The following PIK3C2G variants were observed in gnomAD, a reference collection of about 807,000 sequenced individuals.
The protein encoded by PIK3C2G is phosphatidylinositol 3-kinase C2 domain-containing subunit gamma.
Under a neutral mutation model 181.1 loss-of-function variants are expected in PIK3C2G, and 168 were observed. That is an observed-to-expected ratio of 0.93 (90% CI 0.82 to 1.05). The LOEUF is 1.05. PIK3C2G is among the 50% of genes least tolerant of loss of function. The pLI is 0.00. For synonymous variants in PIK3C2G, 573 were observed against 592.2 expected (o/e 0.97, Z 0.47); for missense variants, 1,869 against 1,732.8 (o/e 1.08, Z -1.40).
At chr12:18,714,241 A>G in the PIK3C2G span, among the ~76,000 whole-genome samples, 1 of 152,180 alleles carries the variant, frequency 6.6e-6, no homozygotes, top group Non-Finnish European at 1.5e-5. Context: ...GACACATACA[A>G]AGAGTTGCAT....
At chr12:18,508,102 T>C (rs1941959436) in intron 24 of PIK3C2G, among the ~76,000 whole-genome samples, 1 of 152,182 alleles carries the variant, frequency 6.6e-6, no homozygotes, top group Non-Finnish European at 1.5e-5. Context: ...TGAATGAAAA[T>C]GAAGTTGCCA....
At chr12:18,338,299 T>A in intron 8 of PIK3C2G, 127 bp from the exon 9 acceptor site, 2 of 711,154 alleles carry the variant, frequency 2.8e-6, no homozygotes, top group Non-Finnish European at 4.6e-6. Flanking sequence ...ACTTTCTTTT[T>A]GTGTGAAAGC....
At chr12:18,368,001 G>A (rs1941761890) in intron 12 of PIK3C2G, among the ~76,000 whole-genome samples, 1 of 152,136 alleles carries the variant, frequency 6.6e-6, no homozygotes, top group Admixed American at 6.5e-5. Flanking sequence ...AGAGAGAGCA[G>A]GAGAAGCTGC....
At chr12:18,457,620 C>T (rs11044128) in intron 18 of PIK3C2G, among the ~76,000 whole-genome samples, 20,624 of 152,058 alleles carry the variant, frequency 0.14, 1,534 homozygotes, top group African/African-American at 0.19. Context: ...TGTCTGTAAT[C>T]ATCTGTGCTG....
At chr12:18,318,588 T>A (rs1025543804) in intron 6 of PIK3C2G, among the ~76,000 whole-genome samples, 3 of 152,058 alleles carry the variant, frequency 2.0e-5, no homozygotes, top group Admixed American at 6.6e-5. Flanking sequence ...ATTGTCTTGA[T>A]AGTATTTTTT....
At chr12:18,681,794 T>A in the PIK3C2G span, among the ~76,000 whole-genome samples, 2 of 152,008 alleles carry the variant, frequency 1.3e-5, no homozygotes, top group East Asian at 1.9e-4. Context: ...ATAAAATATA[T>A]CCTTTTTCTC....
rs956042325 is a variant in PIK3C2G at position 18,496,155 on chromosome 12, G to A, written c.2886+1G>A. The A allele has an allele frequency of 6.7e-6, 10 of 1,486,212 alleles. No individual in the cohort carries two copies. The African/African-American group carries it at 1.1e-4, about 17-fold the overall frequency. The allele number at this position is 1,486,212 out of a possible 1,614,324, so 92.1% of individuals were successfully genotyped here. A position where few individuals can be genotyped will look rare whatever the true frequency, so the allele number is the denominator to read the frequency against. On this transcript the variant is annotated splice_donor_variant, in intron 21 of 32. Transcript: ENST00000538779. LOFTEE classifies it high-confidence loss of function. The stretch of plus-strand genomic sequence containing the variant: ...CAAAAACATCAGCATTATTTTTAAG[G>A]TATGGTAGCGCTCTTAAAACATGAA...
At position 18,292,210 on chromosome 12, in the gene PIK3C2G, C is replaced by CAAAAAAA. The variant is rs745371375; in HGVS notation, c.919+1210_919+1216dup. ...GGGCAACAAGAGCAAAACTCCATCTCAAAAAAAAAAAAAAAAAATATATAT... is the reference window on the plus strand; with the variant it reads ...GGGCAACAAGAGCAAAACTCCATCTCAAAAAAAAAAAAAAAAAAAAAAAAATATATAT... On this transcript the variant is annotated intron_variant, in intron 4 of 32. Transcript: ENST00000538779. Among the ~76,000 whole-genome samples, 80 of 28,590 alleles carry CAAAAAAA rather than the reference C, an allele frequency of 2.8e-3. 4 individuals carry two copies. The highest frequency in any genetic ancestry group is 8.3e-3 in the African/African-American group (62 of 7,444). The allele number at this position is 28,590 out of a possible 152,430, so 18.8% of individuals were successfully genotyped here.
At chr12:18,704,619 A>T in the PIK3C2G span, among the ~76,000 whole-genome samples, 4 of 151,960 alleles carry the variant, frequency 2.6e-5, no homozygotes, top group Non-Finnish European at 5.9e-5. Flanking sequence ...GAGTCACTGC[A>T]CCGGGCCATA....
At chr12:18,258,819 T>C (rs1381954542), upstream of PIK3C2G, among the ~76,000 whole-genome samples, 1 of 152,160 alleles carries the variant, frequency 6.6e-6, no homozygotes, top group Admixed American at 6.5e-5. Context: ...TTGTTTATGC[T>C]AGACATTAAA....
intron 5 of PIK3C2G, among the ~76,000 whole-genome samples, chr12:18,309,630 T>C (rs1950559437): frequency 6.6e-6 from 1 of 151,866 alleles, no homozygotes; most frequent in African/African-American, 2.4e-5. Flanking sequence ...GCAGAAGTGC[T>C]TTAACTGTTT....
chr12:18,677,420 C>T, the PIK3C2G span, among the ~76,000 whole-genome samples: 1 of 152,082 alleles, frequency 6.6e-6, no homozygotes, highest in Admixed American at 6.6e-5. Context: ...GTTCTCAAAT[C>T]TGAGCATGCA....
intron 20 of PIK3C2G, among the ~76,000 whole-genome samples, chr12:18,492,327 C>A (rs11044138): frequency 0.26 from 39,118 of 151,992 alleles, 5,164 homozygotes; most frequent in South Asian, 0.38. Flanking sequence ...GTCAAGAAAA[C>A]AAACCCAATA....
chr12:18,301,688 A>C (rs546820802), intron 5 of PIK3C2G, among the ~76,000 whole-genome samples: 3 of 151,750 alleles, frequency 2.0e-5, no homozygotes, highest in Non-Finnish European at 4.4e-5. Context: ...CATTATTTTA[A>C]AAAGTTATCT....
intron 9 of PIK3C2G, among the ~76,000 whole-genome samples, chr12:18,340,613 G>T (rs1344427899): frequency 6.6e-6 from 1 of 152,152 alleles, no homozygotes; most frequent in African/African-American, 2.4e-5. Flanking sequence ...AGCTCCAAGA[G>T]CTGATAAAAT....
chr12:18,445,401 C>A (rs1480097809), intron 18 of PIK3C2G, among the ~76,000 whole-genome samples: 1 of 148,274 alleles, frequency 6.7e-6, no homozygotes, highest in Admixed American at 7.0e-5. Context: ...ACTGCTTTCA[C>A]CTATCAGATT....
chr12:18,446,685 G>T (rs575335624), intron 18 of PIK3C2G, among the ~76,000 whole-genome samples: 1 of 152,052 alleles, frequency 6.6e-6, no homozygotes, highest in African/African-American at 2.4e-5. Context: ...ATTAACATAG[G>T]AATGATTAAA....
intron 18 of PIK3C2G, among the ~76,000 whole-genome samples, chr12:18,460,732 C>T (rs570774881): frequency 1.1e-4 from 17 of 150,140 alleles, no homozygotes; most frequent in Non-Finnish European, 1.5e-4. Context: ...AATTAGAAAA[C>T]GCAGATTAGC....
At chr12:18,302,556 C>T (rs12370904) in intron 5 of PIK3C2G, among the ~76,000 whole-genome samples, 12,059 of 152,168 alleles carry the variant, frequency 0.079, 537 homozygotes, top group Non-Finnish European at 0.093. Flanking sequence ...GCCTGTTTTG[C>T]AGCTCCCTGA....
Sources: gnomAD v4.1 joint callset for allele counts (sites outside exome capture counted in the v4.1 genomes callset) on GRCh38, gnomAD v4.1.1 for gene constraint, MANE v1.5 for transcripts, NCBI Gene and HGNC (gene_info 2026-07-23, HGNC 2026-07-21) for gene names.